PRPF4: variants seen among roughly 807,000 people sequenced by gnomAD.
PRPF4 encodes pre-mRNA splicing tri-snRNP complex factor PRPF4.
A neutral mutation model predicts 72.2 loss-of-function variants in PRPF4; 14 were observed. The observed-to-expected ratio is 0.19, with a 90% CI of 0.13 to 0.30. The LOEUF is 0.30. Among genes scored for constraint, PRPF4 ranks in the 10% least tolerant of loss-of-function variants. The pLI, the probability that PRPF4 is intolerant of heterozygous loss-of-function variation, is 1.00. For synonymous variants in PRPF4, 225 were observed against 232.2 expected, an observed-to-expected ratio of 0.97 and a Z score of 0.28; for missense variants, 478 against 653.9, an observed-to-expected ratio of 0.73 and a Z score of 2.93.
At chr9:113,285,877 T>G (rs2118627502) in intron 7 of PRPF4, among the ~76,000 whole-genome samples, 2 of 152,118 alleles carry the variant, frequency 1.3e-5, no homozygotes, top group South Asian at 4.2e-4. Flanking sequence ...AAAAAAAATT[T>G]AAATACTTTG....
chr9:113,288,240 C>T lies in PRPF4; in HGVS notation c.998C>T (p.Ser333Leu). ...GTGGCGCGGGTAATGTGGCATCCTTCAGGACGTTTCCTGGGCACCACCTGG... is the reference window on the plus strand; with the variant it reads ...GTGGCGCGGGTAATGTGGCATCCTTTAGGACGTTTCCTGGGCACCACCTGG... ...VRVARVMWHP[S>L]GRFLGTTCYD... Residue 333 changes from serine to leucine, a missense_variant, in exon 10 of 14, where the codon TCA becomes TTA. By Grantham distance (145) the Ser-to-Leu change is moderately radical. Coordinates refer to ENST00000374198, the MANE Select transcript of PRPF4 (RefSeq NM_001244926.2). The T allele has an allele frequency of 6.2e-7, 1 of 1,614,226 alleles. No individual in the cohort carries two copies. The highest frequency in any genetic ancestry group is 2.2e-5 in the East Asian group (1 of 44,886).
Position 113,276,668 on chromosome 9 carries a change from T to C in PRPF4, c.148T>C (p.Leu50=), listed in dbSNP as rs760545350. The change falls in exon 2 of 14, where the codon TTG becomes CTG. Residue 50 remains leucine (L), a synonymous_variant. Transcript: ENST00000374198. ...TCTGGCCAAAGGAGAGTCTGGGATT[T>C]TGGGGAAAGACGGACTTAAAGCAGG... ...ERLAKGESGI[L]GKDGLKAGIE... is the part of the protein sequence containing the mutation. 19 of 1,613,950 alleles carry C rather than the reference T, an allele frequency of 1.2e-5. No homozygotes were observed. The highest frequency in any genetic ancestry group is 1.5e-5 in the Non-Finnish European group (18 of 1,180,002).
chr9:113,281,331 T>C (rs1226327841), intron 3 of PRPF4, among the ~76,000 whole-genome samples: 2 of 152,176 alleles, frequency 1.3e-5, no homozygotes, highest in African/African-American at 4.8e-5. Context: ...TATTATTGTT[T>C]AGTTTGTTTT....
chr9:113,277,390 G>T lies in PRPF4; in HGVS notation c.205+665G>T, dbSNP rs185402248. ...TTTACCCAAAGTGAAATCTTTTTGT[G>T]TGTGTGTGTGTGTGTGACAGGGTCT... On this transcript the variant is annotated intron_variant, in intron 2 of 13. Coordinates refer to ENST00000374198, the MANE Select transcript of PRPF4 (RefSeq NM_001244926.2). Among the ~76,000 whole-genome samples the T allele has an allele frequency of 8.8e-3, 1,332 of 151,620 alleles. 19 individuals are homozygous for T. The highest frequency in any genetic ancestry group is 9.5e-3 in the Non-Finnish European group (646 of 67,848).
Position 113,288,224 on chromosome 9 carries a change from G to T in PRPF4, c.982G>T (p.Val328Leu). ...AGGCCATACAGTGCGTGTGGCGCGG[G>T]TAATGTGGCATCCTTCAGGACGTTT... ...IEGHTVRVAR[V>L]MWHPSGRFLG... The change falls in exon 10 of 14, where the codon GTA becomes TTA. Residue 328 changes from valine to leucine, a missense_variant. By Grantham distance (32) the Val-to-Leu change is conservative. Transcript: ENST00000374198. 6.2e-7 allele frequency: 1 copy of T among 1,614,228 alleles called. No homozygotes were observed.
Position 113,283,467 on chromosome 9 carries a change from G to A in PRPF4, c.639G>A (p.Leu213=), listed in dbSNP as rs1028901113. 6.2e-7 allele frequency: 1 copy of A among 1,614,078 alleles called. No individual in the cohort carries two copies. Among genetic ancestry groups the A allele is most frequent in the Admixed American group, 1.7e-5 (1 of 60,002 alleles). ...ETTRTSQMQE[L]HKSLRSLNNF... ...CAAGGACCTCCCAGATGCAAGAGCTGCACAAGTCTCTCCGGGTAAGATGCT... is the reference window on the plus strand; with the variant it reads ...CAAGGACCTCCCAGATGCAAGAGCTACACAAGTCTCTCCGGGTAAGATGCT... Residue 213 remains leucine (L), a synonymous_variant, in exon 6 of 14, where the codon CTG becomes CTA. Transcript: ENST00000374198.
intron 4 of PRPF4, 106 bp from the exon 5 acceptor site, chr9:113,283,026 C>T (rs963636967): frequency 7.7e-6 from 12 of 1,554,976 alleles, no homozygotes; most frequent in South Asian, 3.7e-5. Context: ...ATCCTATTAC[C>T]GAATGAATTC....
In PRPF4 at chr9:113,282,679, T is replaced by G; in HGVS notation, c.426T>G (p.Asp142Glu). The G allele has an allele frequency of 6.2e-7, 1 of 1,612,168 alleles. No individual in the cohort carries two copies. Residue 142 changes from aspartate to glutamate, a missense_variant, in exon 4 of 14, where the codon GAT becomes GAG. Coordinates refer to ENST00000374198, the MANE Select transcript of PRPF4 (RefSeq NM_001244926.2). ...LRNILSVVGT[D>E]ALKKTKKDDE... Reference sequence around the variant, plus strand: ...ATATCCTCTCAGTTGTCGGTACTGATGCCTTGAAAAAGACCAAAAAGGATG... The same window carrying G: ...ATATCCTCTCAGTTGTCGGTACTGAGGCCTTGAAAAAGACCAAAAAGGATG...
rs1323632331 is a variant in PRPF4, at chr9:113,286,294, A to T, written c.808+4A>T. ...AACCTCCTTCACACTCTTCGAGGTA[A>T]GTTAGAGTCTTATCCAAATCTCGGT... is the stretch of plus-strand genomic sequence containing the variant. On this transcript the variant is annotated splice_donor_region_variant and intron_variant, in intron 8 of 13. Transcript: ENST00000374198. 1 of 1,607,324 alleles carries T rather than the reference A, an allele frequency of 6.2e-7. No individual in the cohort carries two copies. The highest frequency in any genetic ancestry group is 2.2e-5 in the East Asian group (1 of 44,870).
intron 3 of PRPF4, among the ~76,000 whole-genome samples, chr9:113,280,751 G>A (rs941116320): frequency 6.6e-6 from 1 of 152,176 alleles, no homozygotes. Context: ...AGCCACATTG[G>A]TCCTTATGGA....
At chr9:113,290,053 CTA>C (rs1832563433) in intron 10 of PRPF4, among the ~76,000 whole-genome samples, 2 of 152,118 alleles carry the variant, frequency 1.3e-5, no homozygotes, top group East Asian at 3.9e-4. Context: ...AGCCCCATCT[CTA>C]TGAAAAATAC....
chr9:113,287,525 G>A (rs1047696131), intron 9 of PRPF4, among the ~76,000 whole-genome samples: 1 of 151,610 alleles, frequency 6.6e-6, no homozygotes, highest in African/African-American at 2.4e-5. Context: ...TGGCCAAAAG[G>A]CATCTGAATT....
Position 113,279,141 on chromosome 9 carries a change from C to T in PRPF4, c.392+10C>T, listed in dbSNP as rs1019631407. The T allele has an allele frequency of 6.3e-7, 1 of 1,593,580 alleles. No homozygotes were observed. Among genetic ancestry groups the T allele is most frequent in the Non-Finnish European group, 8.5e-7 (1 of 1,171,122 alleles). On this transcript the variant is annotated intron_variant, in intron 3 of 13. Transcript: ENST00000374198. ...CTGAAAGAAGAGAAAGGTTGCCTTT[C>T]TAAATATTTACTTTTTTTCTTTATT...
chr9:113,284,176 T>C, intron 6 of PRPF4, 119 bp from the exon 7 acceptor site: 2 of 682,948 alleles, frequency 2.9e-6, no homozygotes, highest in Non-Finnish European at 4.9e-6. Context: ...CATAGAAGAA[T>C]CTTGGGATGG....
In PRPF4 at chr9:113,288,189, C is replaced by G; in HGVS notation, c.947C>G (p.Ala316Gly). ...TTCCTTTCCAGTGATGAACCAGTGG[C>G]AGATATTGAAGGCCATACAGTGCGT... ...LWSLDSDEPV[A>G]DIEGHTVRVA... The change falls in exon 10 of 14, where the codon GCA becomes GGA. Residue 316 changes from alanine (A) to glycine (G), a missense_variant. Physicochemically the swap from Ala to Gly is moderately conservative, Grantham distance 60 (BLOSUM62 0). Transcript: ENST00000374198. The G allele has an allele frequency of 6.2e-7, 1 of 1,614,134 alleles. No homozygotes were observed. The highest frequency in any genetic ancestry group is 8.5e-7 in the Non-Finnish European group (1 of 1,179,998).
intron 10 of PRPF4, among the ~76,000 whole-genome samples, chr9:113,289,584 A>G (rs1832549496): frequency 6.6e-6 from 1 of 152,092 alleles, no homozygotes. Flanking sequence ...GTGCTCTGTC[A>G]TATGCTTTGC....
At chr9:113,290,630 C>G (rs765491968) in intron 11 of PRPF4, 42 bp downstream of exon 11, 4 of 1,614,038 alleles carry the variant, frequency 2.5e-6, no homozygotes, top group Admixed American at 1.7e-5. Context: ...TCAGTACTCT[C>G]ACCTCTTACC....
At chr9:113,279,355 GTT>G (rs369902521) in intron 3 of PRPF4, among the ~76,000 whole-genome samples, 1 of 90,468 alleles carries the variant, frequency 1.1e-5, no homozygotes, top group Non-Finnish European at 2.9e-5. Flanking sequence ...GTTTTGTTTT[GTT>G]TTGTTTTGTT....
chr9:113,279,390 G>A (rs1832207289), intron 3 of PRPF4, among the ~76,000 whole-genome samples: 1 of 152,052 alleles, frequency 6.6e-6, no homozygotes, highest in East Asian at 1.9e-4. Context: ...TTGAGACAGA[G>A]TCTTGCTCTG....
Sources: allele counts gnomAD v4.1 joint callset (sites outside exome capture counted in the v4.1 genomes callset), GRCh38; gene constraint gnomAD v4.1.1; transcripts MANE v1.5; gene names NCBI Gene and HGNC (gene_info 2026-07-23, HGNC 2026-07-21).